ABCG8: variants seen among roughly 807,000 people sequenced by gnomAD.
ABCG8 encodes the protein ATP binding cassette subfamily G member 8, also known as ATP-binding cassette sub-family G member 8.
ABCG8 carries 81 observed loss-of-function variants against 71.3 expected under a neutral mutation model. The ratio of observed to expected loss-of-function variants is 1.14; its 90% CI spans 0.95 to 1.37. The LOEUF (loss-of-function observed/expected upper bound fraction) is 1.37, where lower values mean the gene tolerates loss of function less well. Among genes scored for constraint, ABCG8 ranks in the 40% most tolerant of loss-of-function variants. The pLI is 0.00. For missense variants in ABCG8, 1,119 were observed against 866.2 expected (o/e 1.29, Z -3.66); for synonymous variants, 451 against 354.7 (o/e 1.27, Z -3.05).
intron 1 of ABCG8, 107 bp from the exon 2 acceptor site, chr2:43,844,400 C>G: frequency 1.2e-6 from 1 of 857,666 alleles, no homozygotes; most frequent in Non-Finnish European, 1.9e-6. Context: ...TGAGATTTAA[C>G]CACGTCGGCT....
intron 8 of ABCG8, among the ~76,000 whole-genome samples, chr2:43,872,811 G>A (rs1414917804): frequency 6.6e-6 from 1 of 152,140 alleles, no homozygotes; most frequent in African/African-American, 2.4e-5. Flanking sequence ...TATCCTCACC[G>A]GCTGGAAGAT....
At chr2:43,855,568 C>A (rs115253168) in intron 6 of ABCG8, among the ~76,000 whole-genome samples, 8,211 of 152,210 alleles carry the variant, frequency 0.054, 273 homozygotes, top group Middle Eastern at 0.11. Context: ...AGTTCTCACC[C>A]TCCAGAGAGA....
intron 6 of ABCG8, among the ~76,000 whole-genome samples, chr2:43,868,099 C>G (rs1044222318): frequency 6.6e-6 from 1 of 151,754 alleles, no homozygotes; most frequent in Non-Finnish European, 1.5e-5. Flanking sequence ...GGATAGATCT[C>G]TCACTGTCTG....
chr2:43,852,873 G>T lies in ABCG8; in HGVS notation c.964+5G>T, dbSNP rs1195035300. ...GCAATCCTGCTGACTTCTATGGTGA[G>T]TCCCCAAGGCCAGCAGCCAGGGCCC... On this transcript the variant is annotated splice_donor_5th_base_variant and intron_variant, in intron 6 of 12. Coordinates refer to ENST00000272286, the MANE Select transcript of ABCG8 (RefSeq NM_022437.3). The T allele has an allele frequency of 6.2e-7, 1 of 1,613,878 alleles. No individual in the cohort carries two copies. Among genetic ancestry groups the T allele is most frequent in the South Asian group, 1.1e-5 (1 of 91,072 alleles).
At position 43,852,532 on chromosome 2, in the gene ABCG8, C is replaced by T. The variant is rs9282572; in HGVS notation, c.694+46C>T. 81,786 of 1,613,832 alleles carry T rather than the reference C, an allele frequency of 0.051. 2,515 individuals are homozygous for T. The highest frequency in any genetic ancestry group is 0.12 in the Middle Eastern group (734 of 6,044). Reference sequence around the variant, plus strand: ...TGGGGGCAGAGGGACCTGTGCGGTCCCCTCAGGCTTGGCTTGGTCTGGCCA... The same window carrying T: ...TGGGGGCAGAGGGACCTGTGCGGTCTCCTCAGGCTTGGCTTGGTCTGGCCA... On this transcript the variant is annotated intron_variant, in intron 5 of 12. Coordinates refer to ENST00000272286, the MANE Select transcript of ABCG8 (RefSeq NM_022437.3).
intron 10 of ABCG8, 55 bp downstream of exon 10, chr2:43,874,538 T>C: frequency 6.9e-7 from 1 of 1,449,462 alleles, no homozygotes; most frequent in Admixed American, 1.7e-5. Context: ...TGGGGGTAAG[T>C]GTGGAGAAAA....
Position 43,851,751 on chromosome 2 carries a change from C to T in ABCG8, c.490C>T (p.Arg164Ter), listed in dbSNP as rs780072835. 1.7e-5 allele frequency: 27 copies of T among 1,614,116 alleles called. No homozygotes were observed. The highest frequency in any genetic ancestry group is 6.7e-5 in the East Asian group (3 of 44,894). ...HNQLLPNLTV[R>*]ETLAFIAQMR... ...CCAGCTGCTCCCCAACTTGACTGTG[C>T]GAGAGACCTTGGCCTTCATTGCCCA... The change falls in exon 4 of 13, where the codon CGA becomes TGA. Residue 164 changes from arginine (R) to a stop codon, truncating the protein, a stop_gained. Transcript: ENST00000272286. LOFTEE classifies it high-confidence loss of function.
chr2:43,846,855 G>A (rs562298521), intron 3 of ABCG8: 1 of 188,172 alleles, frequency 5.3e-6, no homozygotes, highest in Admixed American at 5.3e-5. Flanking sequence ...GCTGAAAGGG[G>A]GCTTGGGGAA....
chr2:43,867,676 T>A (rs1669579615), intron 6 of ABCG8, among the ~76,000 whole-genome samples: 1 of 150,822 alleles, frequency 6.6e-6, no homozygotes, highest in African/African-American at 2.4e-5. Flanking sequence ...GAACTCTCAC[T>A]ATCTGTCTGG....
At chr2:43,846,990 GCA>G (rs368330289) in intron 3 of ABCG8, 9,164 of 110,684 alleles carry the variant, frequency 0.083, 361 homozygotes, top group East Asian at 0.14. Context: ...ACGCGCGCGT[GCA>G]CACACACACA....
rs775121250 is a variant in ABCG8, at chr2:43,877,908, T to C, written c.2017T>C (p.Trp673Arg). 10 of 1,614,114 alleles carry C rather than the reference T, an allele frequency of 6.2e-6. No individual in the cohort carries two copies. The East Asian group carries it at 8.9e-5, about 14-fold the overall frequency. Residue 673 changes from tryptophan to arginine, a missense_variant, in exon 13 of 13, where the codon TGG becomes CGG. Physicochemically the swap from Trp to Arg is moderately radical, Grantham distance 101 (BLOSUM62 -3). Transcript: ENST00000272286. ...RFIKQKPSQD[W>R] is the part of the protein sequence containing the mutation. ...CATCAAACAGAAACCAAGTCAAGAC[T>C]GGTGATTCACGCCAGACGTCTGCCC... is the stretch of plus-strand genomic sequence containing the variant.
At chr2:43,840,146 G>A (rs1668525674) in intron 1 of ABCG8, among the ~76,000 whole-genome samples, 1 of 152,194 alleles carries the variant, frequency 6.6e-6, no homozygotes. Context: ...TAGGAGGGAG[G>A]AGAGAAAGAC....
chr2:43,860,149 A>T (rs919827167), intron 6 of ABCG8, among the ~76,000 whole-genome samples: 4 of 151,326 alleles, frequency 2.6e-5, no homozygotes, highest in African/African-American at 9.7e-5. Flanking sequence ...ATCTGTCTGG[A>T]TAAAATTCTC....
At chr2:43,841,563 G>A (rs1277944366) in intron 1 of ABCG8, among the ~76,000 whole-genome samples, 1 of 152,172 alleles carries the variant, frequency 6.6e-6, no homozygotes, top group African/African-American at 2.4e-5. Flanking sequence ...TTCTTCCTCC[G>A]AAAGATGAGC....
intron 6 of ABCG8, among the ~76,000 whole-genome samples, chr2:43,865,356 A>G (rs1418102744): frequency 6.7e-6 from 1 of 149,284 alleles, no homozygotes; most frequent in Non-Finnish European, 1.5e-5. Context: ...CTCTGGATAG[A>G]ACTCTTACTA....
At chr2:43,853,042 A>G (rs1441306025) in intron 6 of ABCG8, among the ~76,000 whole-genome samples, 174 bp downstream of exon 6, 4 of 152,138 alleles carry the variant, frequency 2.6e-5, no homozygotes, top group Non-Finnish European at 5.9e-5. Context: ...AATGCTAGAA[A>G]TGAGGGCCTG....
intron 2 of ABCG8, among the ~76,000 whole-genome samples, chr2:43,845,180 C>A (rs1445180573): frequency 1.3e-5 from 2 of 150,766 alleles, no homozygotes; most frequent in Non-Finnish European, 2.9e-5. Context: ...AGTGCAAAGA[C>A]AATGACTGAC....
At chr2:43,856,476 C>T (rs1392361576) in intron 6 of ABCG8, among the ~76,000 whole-genome samples, 8 of 151,204 alleles carry the variant, frequency 5.3e-5, no homozygotes, top group Admixed American at 4.6e-4. Context: ...CTGGATAGAA[C>T]TCTCACCATG....
chr2:43,875,066 G>A, intron 10 of ABCG8, 80 bp from the exon 11 acceptor site: 1 of 1,593,082 alleles, frequency 6.3e-7, no homozygotes, highest in Non-Finnish European at 8.6e-7. Flanking sequence ...GCTATCTGGG[G>A]GCACTGCTAC....
Sources: allele counts gnomAD v4.1 joint callset (sites outside exome capture counted in the v4.1 genomes callset), GRCh38; gene constraint gnomAD v4.1.1; transcripts MANE v1.5; gene names NCBI Gene and HGNC (gene_info 2026-07-23, HGNC 2026-07-21).